Variants in ECPAS observed in about 807,000 individuals in gnomAD.
The protein encoded by ECPAS is proteasome adapter and scaffold protein ECM29.
Under a neutral mutation model 255.1 loss-of-function variants are expected in ECPAS, and 70 were observed. The observed-to-expected ratio is 0.27, with a 90% confidence interval of 0.23 to 0.33. The LOEUF (loss-of-function observed/expected upper bound fraction) is 0.33, where lower values mean the gene tolerates loss of function less well. ECPAS is among the 10% of genes least tolerant of loss of function. The pLI is 1.00. For missense variants in ECPAS, 1,817 were observed against 2,206.4 expected (o/e 0.82, Z 3.54); for synonymous variants, 784 against 775.0 (o/e 1.01, Z -0.19).
chr9:111,399,293 A>C (rs1311748848), intron 24 of ECPAS, among the ~76,000 whole-genome samples: 1 of 152,188 alleles, frequency 6.6e-6, no homozygotes, highest in Non-Finnish European at 1.5e-5. Context: ...TAAAAACTAA[A>C]TCAGGTGAGA....
At position 111,382,008 on chromosome 9, in the gene ECPAS, AACACACACACAC is replaced by A. The variant is rs72204951; in HGVS notation, c.3803+1191_3803+1202del. On this transcript the variant is annotated intron_variant, in intron 35 of 49. Transcript: ENST00000684092. ...ACTGAGTTCACGTTCAATTTTGTAA[AACACACACACAC>A]ACACACACACACACACACACAAAGA... 3.2e-4 allele frequency among the ~76,000 whole-genome samples: 47 copies of A among 147,126 alleles called. No homozygotes were observed. The East Asian group carries it at 4.8e-3, about 15-fold the overall frequency.
rs75724979 is a variant in ECPAS, at chr9:111,375,276, C to G, written c.4021-74G>C. ...GACCACATCTTCAATTAAAAACTGC[C>G]CTTGTCAAACGTGTACCAACTGGAT... On this transcript the variant is annotated intron_variant, in intron 37 of 49. Coordinates refer to ENST00000684092, the MANE Select transcript of ECPAS (RefSeq NM_001364929.1). 7.0e-5 allele frequency: 74 copies of G among 1,059,778 alleles called. 1 individual carries two copies. In the East Asian group the frequency reaches 1.6e-3, roughly 23 times the overall value. 65.6% of individuals were successfully genotyped at this position (1,059,778 alleles called of 1,614,324 possible).
Position 111,433,696 on chromosome 9 carries a change from A to ATACACAGCCTCCCTAGTGAGGT in ECPAS, c.709-346_709-325dup, listed in dbSNP as rs1202619226. Among the ~76,000 whole-genome samples, 3 of 152,308 alleles carry ATACACAGCCTCCCTAGTGAGGT rather than the reference A, an allele frequency of 2.0e-5. No individual in the cohort carries two copies. The East Asian group carries it at 5.8e-4, about 29-fold the overall frequency. ...CCTCTCTGACTCCAAAATTATTATG[A>ATACACAGCCTCCCTAGTGAGGT]TACACAGCCTCCCTAGTGAGGTTAC... On this transcript the variant is annotated intron_variant, in intron 7 of 49. Transcript: ENST00000684092.
intron 24 of ECPAS, among the ~76,000 whole-genome samples, chr9:111,401,550 G>C (rs2098176066): frequency 6.6e-6 from 1 of 152,232 alleles, no homozygotes; most frequent in South Asian, 2.1e-4. Context: ...CAGGGTTTGA[G>C]AGCAGACAAT....
chr9:111,389,667 A>G lies in ECPAS; in HGVS notation c.3336T>C (p.Pro1112=). The G allele has an allele frequency of 6.2e-7, 1 of 1,613,950 alleles. No homozygotes were observed. The highest frequency in any genetic ancestry group is 8.5e-7 in the Non-Finnish European group (1 of 1,179,838). ...IATRAGEQLA[P]FLPQLVPRLY... ...GTCGAGGAACTAGCTGAGGCAGAAA[A>G]GGAGCCAGCTGCTCTCCAGCTCTGG... Residue 1112 remains proline (P), a synonymous_variant, in exon 31 of 50, where the codon CCT becomes CCC. Coordinates refer to ENST00000684092, the MANE Select transcript of ECPAS (RefSeq NM_001364929.1).
In ECPAS at chr9:111,366,523, C is replaced by T. The variant is rs1332730283; in HGVS notation, c.5218G>A (p.Gly1740Arg). 1.9e-6 allele frequency: 3 copies of T among 1,608,000 alleles called. No individual in the cohort carries two copies. The highest frequency in any genetic ancestry group is 2.2e-5 in the South Asian group (2 of 90,934). Reference sequence around the variant, plus strand: ...AAACTGAGCCATGAAGCAATTTACCCCTGAAAAAAGGCATTCATTGATTGC... The same window carrying T: ...AAACTGAGCCATGAAGCAATTTACCTCTGAAAAAAGGCATTCATTGATTGC... Reference protein sequence around the residue: ...VLQSMNAFFQGLMLLEEEHAD... With the variant: ...VLQSMNAFFQRLMLLEEEHAD... The change falls in exon 47 of 50, where the codon GGG (glycine) becomes AGG (arginine). Residue 1740 changes from glycine (G) to arginine (R), a missense_variant and splice_region_variant. Coordinates refer to ENST00000684092, the MANE Select transcript of ECPAS (RefSeq NM_001364929.1).
chr9:111,401,786 C>T (rs1189285281), intron 24 of ECPAS, among the ~76,000 whole-genome samples: 3 of 152,238 alleles, frequency 2.0e-5, no homozygotes, highest in African/African-American at 7.2e-5. Context: ...CCTGCTCACA[C>T]ATCTGTCTAC....
chr9:111,439,412 G>A (rs1354043408), intron 6 of ECPAS, among the ~76,000 whole-genome samples: 1 of 152,068 alleles, frequency 6.6e-6, no homozygotes, highest in Non-Finnish European at 1.5e-5. Flanking sequence ...GGGACTATAG[G>A]TGCATGCCAT....
intron 6 of ECPAS, among the ~76,000 whole-genome samples, chr9:111,438,578 C>T (rs1173793507): frequency 5.9e-5 from 9 of 152,124 alleles, no homozygotes; most frequent in Non-Finnish European, 1.2e-4. Context: ...GTAGCCTGGG[C>T]GACAGACTGA....
Position 111,411,995 on chromosome 9 carries a change from T to C in ECPAS, c.2214+19A>G, listed in dbSNP as rs1466768663. 1 of 1,509,374 alleles carries C rather than the reference T, an allele frequency of 6.6e-7. No homozygotes were observed. Among genetic ancestry groups the C allele is most frequent in the Non-Finnish European group, 8.8e-7 (1 of 1,135,774 alleles). The allele number at this position is 1,509,374 out of a possible 1,614,324, so 93.5% of individuals were successfully genotyped here. On this transcript the variant is annotated intron_variant, in intron 21 of 49. Transcript: ENST00000684092. ...AAACCCTATCTCCCACAAAAAAGAA[T>C]GAAAACAAAATAACATACGTGATTG...
chr9:111,483,048 G>T (rs891399859), intron 1 of ECPAS, among the ~76,000 whole-genome samples: 8 of 152,184 alleles, frequency 5.3e-5, no homozygotes, highest in African/African-American at 1.9e-4. Context: ...CTGATTACTA[G>T]AGTGTCACAA....
intron 16 of ECPAS, among the ~76,000 whole-genome samples, chr9:111,419,282 T>C (rs991409385): frequency 2.6e-5 from 4 of 152,116 alleles, no homozygotes; most frequent in Admixed American, 6.6e-5. Context: ...AAGAAAAACA[T>C]ATACAAGAAT....
intron 27 of ECPAS, 101 bp downstream of exon 27, chr9:111,393,579 C>T: frequency 1.3e-6 from 1 of 785,818 alleles, no homozygotes; most frequent in South Asian, 1.7e-5. Context: ...GTTTTAATCA[C>T]ACAGCTCAAG....
At chr9:111,397,571 G>A (rs2098169539) in intron 24 of ECPAS, among the ~76,000 whole-genome samples, 2 of 152,248 alleles carry the variant, frequency 1.3e-5, no homozygotes, top group South Asian at 4.1e-4. Flanking sequence ...TGTAAAAGGG[G>A]CATAATATCG....
chr9:111,370,715 C>A lies in ECPAS; in HGVS notation c.4781+7G>T. 2 of 1,607,370 alleles carry A rather than the reference C, an allele frequency of 1.2e-6. No homozygotes were observed. Among genetic ancestry groups the A allele is most frequent in the Non-Finnish European group, 8.5e-7 (1 of 1,176,868 alleles). On this transcript the variant is annotated splice_region_variant and intron_variant, in intron 44 of 49. Transcript: ENST00000684092. ...AGAAATGGCATCTTCATTGAAAGAA[C>A]ATTTACCTGCAAGCTGTCACCACAC...
At chr9:111,420,173 A>C in intron 15 of ECPAS, 53 bp from the exon 16 acceptor site, 2 of 1,214,144 alleles carry the variant, frequency 1.6e-6, no homozygotes, top group Non-Finnish European at 2.4e-6. Context: ...AAGGAAAAAA[A>C]AAATCAATTA....
chr9:111,391,785 T>C lies in ECPAS; in HGVS notation c.3132A>G (p.Gln1044=). The change falls in exon 29 of 50, where the codon CAA becomes CAG. Residue 1044 remains glutamine, a synonymous_variant. Transcript: ENST00000684092. ...HEVSGETVVF[Q]GGALGKTPDG... is the part of the protein sequence containing the mutation. ...CTGGTGTTTTGCCAAGAGCTCCCCC[T>C]TGAAATACCACTGTCTCTCCAGAAA... The C allele has an allele frequency of 3.7e-6, 6 of 1,609,448 alleles. No individual in the cohort carries two copies. The highest frequency in any genetic ancestry group is 4.2e-6 in the Non-Finnish European group (5 of 1,177,014).
In ECPAS at chr9:111,423,257, TA is replaced by T. The variant is rs759570344; in HGVS notation, c.1216-10del. 1.9e-6 allele frequency: 3 copies of T among 1,541,836 alleles called. No individual in the cohort carries two copies. Among genetic ancestry groups the T allele is most frequent in the Non-Finnish European group, 1.8e-6 (2 of 1,139,066 alleles). ...GACAGTAGTTTAGGGTCCTTGAAATTAAAAAAAGAAAAGAAAGAAAAGAAAG... is the reference window on the plus strand; with the variant it reads ...GACAGTAGTTTAGGGTCCTTGAAATTAAAAAAGAAAAGAAAGAAAAGAAAG... On this transcript the variant is annotated splice_polypyrimidine_tract_variant and intron_variant, in intron 12 of 49. Coordinates refer to ENST00000684092, the MANE Select transcript of ECPAS (RefSeq NM_001364929.1).
At chr9:111,425,179 T>G (rs2098219665) in intron 12 of ECPAS, among the ~76,000 whole-genome samples, 1 of 144,564 alleles carries the variant, frequency 6.9e-6, no homozygotes, top group African/African-American at 2.6e-5. Context: ...AGAGCAAAAC[T>G]CCATCTCAAA....
Sources: allele counts gnomAD v4.1 joint callset (sites outside exome capture counted in the v4.1 genomes callset), GRCh38; gene constraint gnomAD v4.1.1; transcripts MANE v1.5; gene names NCBI Gene and HGNC (gene_info 2026-07-23, HGNC 2026-07-21).